The following NIPAL2 variants were observed in gnomAD, a reference collection of about 807,000 sequenced individuals.
The protein encoded by NIPAL2 is NIPA-like protein 2.
In NIPAL2, 43 loss-of-function variants were observed where a neutral mutation model predicts 48.9. The ratio of observed to expected loss-of-function variants is 0.88; its 90% CI spans 0.69 to 1.13. The LOEUF (loss-of-function observed/expected upper bound fraction) is 1.13, where lower values mean the gene tolerates loss of function less well. Ranked by LOEUF, NIPAL2 falls within the 50% of genes most tolerant of loss-of-function variation. The probability of loss-of-function intolerance (pLI) is 0.00; values close to 1 mark genes in which losing one functional copy is unlikely to be tolerated. For missense variants in NIPAL2, 446 were observed against 461.4 expected (o/e 0.97, Z 0.31); for synonymous variants, 167 against 174.6 (o/e 0.96, Z 0.34).
At chr8:98,291,836 T>C (rs1816504954) in intron 1 of NIPAL2, among the ~76,000 whole-genome samples, 1 of 152,232 alleles carries the variant, frequency 6.6e-6, no homozygotes, top group Non-Finnish European at 1.5e-5. Flanking sequence ...CTTCCCCCAC[T>C]GAACTACTAC....
intron 1 of NIPAL2, among the ~76,000 whole-genome samples, chr8:98,264,245 C>T (rs1432860898): frequency 7.9e-6 from 1 of 127,086 alleles, no homozygotes; most frequent in Admixed American, 8.4e-5. Context: ...TCTCTCACCA[C>T]TCCTATTCAA....
At chr8:98,264,565 A>G (rs1586438852) in intron 1 of NIPAL2, among the ~76,000 whole-genome samples, 2 of 151,328 alleles carry the variant, frequency 1.3e-5, no homozygotes, top group East Asian at 3.9e-4. Context: ...TAGGAATCCA[A>G]CTTACAAGGG....
At chr8:98,266,299 TGAA>T (rs1374449098) in intron 1 of NIPAL2, among the ~76,000 whole-genome samples, 3 of 133,404 alleles carry the variant, frequency 2.2e-5, no homozygotes, top group Non-Finnish European at 4.8e-5. Flanking sequence ...AAAAAGAAAA[TGAA>T]AAAAAAAAGT....
At chr8:98,290,083 T>C (rs1197037780) in intron 1 of NIPAL2, among the ~76,000 whole-genome samples, 2 of 152,236 alleles carry the variant, frequency 1.3e-5, no homozygotes, top group Non-Finnish European at 1.5e-5. Flanking sequence ...ACCCACTTGC[T>C]GTAAGATCTT....
chr8:98,232,010 A>AT (rs796718512), intron 4 of NIPAL2, among the ~76,000 whole-genome samples: 2 of 152,140 alleles, frequency 1.3e-5, no homozygotes, highest in African/African-American at 2.4e-5. Flanking sequence ...TTTTTAAAAA[A>AT]TTTTTTTTTT....
In NIPAL2 at chr8:98,221,553, TA is replaced by T. The variant is rs547215725; in HGVS notation, c.558+925del. On this transcript the variant is annotated intron_variant, in intron 5 of 10. Transcript: ENST00000430223. ...TGTCTACATCTATCAAGTTTTTTTT[TA>T]AATTATTATACTTTAAGTTCTGGGA... 2.7e-3 allele frequency among the ~76,000 whole-genome samples: 417 copies of T among 152,232 alleles called. 2 individuals carry two copies. Among genetic ancestry groups the T allele is most frequent in the African/African-American group, 9.7e-3 (402 of 41,530 alleles).
intron 4 of NIPAL2, among the ~76,000 whole-genome samples, chr8:98,226,496 TG>T (rs1420370768): frequency 2.0e-5 from 3 of 152,174 alleles, no homozygotes; most frequent in Non-Finnish European, 4.4e-5. Context: ...GGTACTATGT[TG>T]GTGGTCTTGG....
intron 6 of NIPAL2, among the ~76,000 whole-genome samples, chr8:98,205,582 A>C (rs75504322): frequency 0.041 from 6,281 of 152,196 alleles, 182 homozygotes; most frequent in Non-Finnish European, 0.067. Context: ...AGGCAAAAAC[A>C]ATGGAGGGAG....
intron 7 of NIPAL2, among the ~76,000 whole-genome samples, chr8:98,204,460 C>G (rs982356884): frequency 6.6e-6 from 1 of 152,008 alleles, no homozygotes; most frequent in Admixed American, 6.6e-5. Flanking sequence ...CAAGAAAGCC[C>G]AGCAGGCAAA....
chr8:98,263,118 C>T (rs1435272130), intron 1 of NIPAL2, among the ~76,000 whole-genome samples: 3 of 144,816 alleles, frequency 2.1e-5, no homozygotes, highest in African/African-American at 7.7e-5. Flanking sequence ...CTCTGGGACG[C>T]ATTCAAAGCA....
At chr8:98,236,602 C>A (rs1428261644) in intron 3 of NIPAL2, among the ~76,000 whole-genome samples, 2 of 152,018 alleles carry the variant, frequency 1.3e-5, no homozygotes, top group Non-Finnish European at 2.9e-5. Flanking sequence ...GTGGATCATG[C>A]CTGTAAGCCT....
intron 4 of NIPAL2, chr8:98,231,798 T>C (rs1484875653): frequency 6.6e-6 from 1 of 152,200 alleles, no homozygotes; most frequent in Non-Finnish European, 1.5e-5. Context: ...GTTCAGCTTG[T>C]TTCCACATGG....
At chr8:98,222,349 GGTCA>G (rs1444546121) in intron 5 of NIPAL2, 126 bp downstream of exon 5, 13 of 969,972 alleles carry the variant, frequency 1.3e-5, no homozygotes, top group African/African-American at 1.2e-4. Flanking sequence ...CTTTGGTATT[GGTCA>G]AATACATTTA....
intron 1 of NIPAL2, among the ~76,000 whole-genome samples, chr8:98,278,231 T>G (rs906219232): frequency 7.2e-5 from 11 of 152,172 alleles, no homozygotes; most frequent in Admixed American, 5.9e-4. Flanking sequence ...GTTTTTTGTT[T>G]GTTTGTTTGT....
chr8:98,243,434 A>G (rs1813104006), intron 3 of NIPAL2, among the ~76,000 whole-genome samples: 1 of 152,122 alleles, frequency 6.6e-6, no homozygotes, highest in South Asian at 2.1e-4. Context: ...CCAGTCCCAG[A>G]GCGAGGTATG....
intron 9 of NIPAL2, among the ~76,000 whole-genome samples, chr8:98,195,273 A>C (rs952823272): frequency 6.6e-6 from 1 of 152,214 alleles, no homozygotes; most frequent in Non-Finnish European, 1.5e-5. Flanking sequence ...TTCAAGATAG[A>C]TGGCTTCCTA....
chr8:98,199,263 T>C (rs1363793764), intron 8 of NIPAL2, among the ~76,000 whole-genome samples: 1 of 152,136 alleles, frequency 6.6e-6, no homozygotes, highest in Non-Finnish European at 1.5e-5. Flanking sequence ...GCCCAAAAAC[T>C]TTTTTCTTTT....
chr8:98,241,667 G>T (rs559283696), intron 3 of NIPAL2, among the ~76,000 whole-genome samples: 47 of 152,238 alleles, frequency 3.1e-4, no homozygotes, highest in Non-Finnish European at 5.9e-4. Context: ...GCAGCTAATA[G>T]AAATTATTAT....
At chr8:98,260,602 A>G (rs1036720927) in intron 1 of NIPAL2, among the ~76,000 whole-genome samples, 3 of 152,188 alleles carry the variant, frequency 2.0e-5, no homozygotes, top group African/African-American at 7.2e-5. Flanking sequence ...ACGAGATTAT[A>G]TCCTGCACCT....
Sources: allele counts gnomAD v4.1 joint callset (sites outside exome capture counted in the v4.1 genomes callset), GRCh38; gene constraint gnomAD v4.1.1; transcripts MANE v1.5; gene names NCBI Gene and HGNC (gene_info 2026-07-23, HGNC 2026-07-21).